SMARCE1: variants seen among roughly 807,000 people sequenced by gnomAD.
SMARCE1 encodes the protein SWI/SNF related BAF chromatin remodeling complex subunit E1.
In SMARCE1, 13 loss-of-function variants were observed where a neutral mutation model predicts 54.9. The ratio of observed to expected loss-of-function variants is 0.24; its 90% CI spans 0.15 to 0.38. The LOEUF (loss-of-function observed/expected upper bound fraction) is 0.38. SMARCE1 is among the 10% of genes least tolerant of loss of function. The pLI is 1.00. For synonymous variants in SMARCE1, 151 were observed against 175.3 expected (o/e 0.86, Z 1.10); for missense variants, 295 against 523.8 (o/e 0.56, Z 4.26).
chr17:40,633,252 T>G (rs1019209323), intron 7 of SMARCE1: 6 of 152,158 alleles, frequency 3.9e-5, no homozygotes, highest in Admixed American at 2.0e-4. Flanking sequence ...CCATGTGATC[T>G]GCCCATCCTG....
chr17:40,637,661 C>G, intron 4 of SMARCE1, 89 bp from the exon 5 acceptor site: 2 of 927,260 alleles, frequency 2.2e-6, no homozygotes, highest in Non-Finnish European at 3.5e-6. Flanking sequence ...TTCTAATGCG[C>G]CTTTCTTCTA....
At chr17:40,636,164 T>C (rs754321357) in intron 6 of SMARCE1, 62 bp from the exon 7 acceptor site, 17 of 1,358,816 alleles carry the variant, frequency 1.3e-5, no homozygotes, top group South Asian at 2.7e-5. Flanking sequence ...TGCAGACCTA[T>C]GTTATCTCAC....
intron 7 of SMARCE1, 73 bp downstream of exon 7, chr17:40,635,858 T>C: frequency 8.8e-7 from 1 of 1,136,572 alleles, no homozygotes; most frequent in Non-Finnish European, 1.2e-6. Flanking sequence ...AAATAAAAAC[T>C]TATACTTAAG....
chr17:40,625,020 A>G lies in SMARCE1; in HGVS notation c.*3765T>C, dbSNP rs1320719728. On this transcript the variant is annotated 3_prime_UTR_variant, in exon 11 of 11. Coordinates refer to ENST00000348513, the MANE Select transcript of SMARCE1 (RefSeq NM_003079.5). ...CTAACAATATGAGATAAACTATTAG[A>G]GAAGTGTAGGTCATTCTGGCAAATA... The G allele has an allele frequency of 2.6e-5, 4 of 152,376 alleles. No individual in the cohort carries two copies. Among genetic ancestry groups the G allele is most frequent in the Admixed American group, 2.6e-4 (4 of 15,310 alleles). 9.4% of individuals were successfully genotyped at this position (152,376 alleles called of 1,614,324 possible). A position where few individuals can be genotyped will look rare whatever the true frequency, so the allele number is the denominator to read the frequency against.
intron 4 of SMARCE1, among the ~76,000 whole-genome samples, chr17:40,638,079 A>G (rs2037163006): frequency 1.3e-5 from 2 of 152,196 alleles, no homozygotes; most frequent in African/African-American, 4.8e-5. Context: ...AACAAAAACA[A>G]TTAGTGAAAT....
At chr17:40,633,196 G>C (rs2037112974) in intron 7 of SMARCE1, 1 of 152,178 alleles carries the variant, frequency 6.6e-6, no homozygotes, top group South Asian at 2.1e-4. Context: ...TTTTAGTAGA[G>C]ATGGGATTTC....
In SMARCE1 at chr17:40,630,930, CA is replaced by C; in HGVS notation, c.817-7del. ...TCTACTTTCAGACCGCACAACTAATCAGAAAAAAACAGAACTCCGTAATGTT... is the reference window on the plus strand; with the variant it reads ...TCTACTTTCAGACCGCACAACTAATCGAAAAAAACAGAACTCCGTAATGTT... On this transcript the variant is annotated splice_polypyrimidine_tract_variant and splice_region_variant and intron_variant, in intron 9 of 10. Coordinates refer to ENST00000348513, the MANE Select transcript of SMARCE1 (RefSeq NM_003079.5). 2 of 1,599,442 alleles carry C rather than the reference CA, an allele frequency of 1.3e-6. No individual in the cohort carries two copies. Among genetic ancestry groups the C allele is most frequent in the Non-Finnish European group, 1.7e-6 (2 of 1,170,444 alleles).
intron 4 of SMARCE1, 39 bp from the exon 5 acceptor site, chr17:40,637,611 G>A: frequency 6.8e-7 from 1 of 1,481,274 alleles, no homozygotes; most frequent in Non-Finnish European, 9.4e-7. Flanking sequence ...TCAACTGTAA[G>A]GAGTTCACTG....
chr17:40,632,490 A>G (rs1361875536), intron 7 of SMARCE1, 123 bp from the exon 8 acceptor site: 2 of 762,082 alleles, frequency 2.6e-6, no homozygotes, highest in Admixed American at 2.7e-5. Context: ...GGACCTGCCC[A>G]GCGTCATGGG....
chr17:40,633,459 GCTTT>G (rs1009825258), intron 7 of SMARCE1: 6 of 151,698 alleles, frequency 4.0e-5, no homozygotes. Context: ...AAAAAAAAGA[GCTTT>G]CTCTTTAGTA....
rs1488166276 is a variant in SMARCE1 at position 40,626,630 on chromosome 17, G to A, written c.*2155C>T. ...CTCACGCCTGTAATCCCAGCACTTTGGGAGACTGAGGCAGGCGGATCACCT... is the reference window on the plus strand; with the variant it reads ...CTCACGCCTGTAATCCCAGCACTTTAGGAGACTGAGGCAGGCGGATCACCT... On this transcript the variant is annotated 3_prime_UTR_variant, in exon 11 of 11. Coordinates refer to ENST00000348513, the MANE Select transcript of SMARCE1 (RefSeq NM_003079.5). 2 of 152,230 alleles carry A rather than the reference G, an allele frequency of 1.3e-5. No homozygotes were observed. The highest frequency in any genetic ancestry group is 4.8e-5 in the African/African-American group (2 of 41,410). 9.4% of individuals were successfully genotyped at this position (152,230 alleles called of 1,614,324 possible).
rs1163476314 is a variant in SMARCE1 at position 40,625,346 on chromosome 17, CTTG to C, written c.*3436_*3438del. The C allele has an allele frequency of 6.6e-6, 1 of 152,200 alleles. No homozygotes were observed. Among genetic ancestry groups the C allele is most frequent in the Non-Finnish European group, 1.5e-5 (1 of 68,038 alleles). 9.4% of individuals were successfully genotyped at this position (152,200 alleles called of 1,614,324 possible). The stretch of plus-strand genomic sequence containing the variant: ...TAAAAAGGCTCCGAGTTCCTTTGAG[CTTG>C]TTATTGTACAGTGGATTTTTCATTT... On this transcript the variant is annotated 3_prime_UTR_variant, in exon 11 of 11. Coordinates refer to ENST00000348513, the MANE Select transcript of SMARCE1 (RefSeq NM_003079.5).
At chr17:40,634,609 A>G (rs1261792413) in intron 7 of SMARCE1, 3 of 152,202 alleles carry the variant, frequency 2.0e-5, no homozygotes, top group Non-Finnish European at 2.9e-5. Flanking sequence ...CTTAATTGCT[A>G]CCTGAATTTA....
chr17:40,637,823 T>G (rs896477779), intron 4 of SMARCE1: 1 of 478,108 alleles, frequency 2.1e-6, no homozygotes, highest in Non-Finnish European at 3.8e-6. Context: ...ACAAATAAAA[T>G]ATTACACAGT....
At chr17:40,639,772 T>TA (rs1276723935) in intron 4 of SMARCE1, among the ~76,000 whole-genome samples, 2 of 152,194 alleles carry the variant, frequency 1.3e-5, no homozygotes, top group African/African-American at 4.8e-5. Context: ...TACAATGTCT[T>TA]AAACATTTCT....
At chr17:40,632,607 G>GA (rs2037106328) in intron 7 of SMARCE1, 1 of 421,562 alleles carries the variant, frequency 2.4e-6, no homozygotes, top group African/African-American at 2.0e-5. Context: ...TTGTGTCTGA[G>GA]AAGGATTTGG....
At position 40,629,109 on chromosome 17, in the gene SMARCE1, A is replaced by C. The variant is rs185475869; in HGVS notation, c.1028-116T>G. 2,207 of 782,948 alleles carry C rather than the reference A, an allele frequency of 2.8e-3. 10 individuals are homozygous for C. The highest frequency in any genetic ancestry group is 4.0e-3 in the Non-Finnish European group (1,901 of 479,614). The allele number at this position is 782,948 out of a possible 1,614,324, so 48.5% of individuals were successfully genotyped here. ...GCCACTAGCCACATGTGGTTATTAA[A>C]CCCCTGAAATGAACCAGTGTGACTA... On this transcript the variant is annotated intron_variant, in intron 10 of 10. Transcript: ENST00000348513.
intron 3 of SMARCE1, 135 bp downstream of exon 3, chr17:40,645,441 T>C (rs1326674990): frequency 1.9e-6 from 1 of 533,214 alleles, no homozygotes; most frequent in Admixed American, 4.1e-5. Context: ...TAGTAGGAAG[T>C]GCTTTTTTTT....
Position 40,628,660 on chromosome 17 carries a change from A to C in SMARCE1, c.*125T>G, listed in dbSNP as rs1567844552. The C allele has an allele frequency of 4.3e-6, 3 of 704,338 alleles. No individual in the cohort carries two copies. The highest frequency in any genetic ancestry group is 3.6e-5 in the South Asian group (2 of 55,802). The allele number at this position is 704,338 out of a possible 1,614,324, so 43.6% of individuals were successfully genotyped here. A position where few individuals can be genotyped will look rare whatever the true frequency, so the allele number is the denominator to read the frequency against. On this transcript the variant is annotated 3_prime_UTR_variant, in exon 11 of 11. Coordinates refer to ENST00000348513, the MANE Select transcript of SMARCE1 (RefSeq NM_003079.5). ...TAGGCTCATGATGCTAAATGGTCCA[A>C]AAGCCTTTGGTGGTGTGATATGGAC... is the stretch of plus-strand genomic sequence containing the variant.
Sources: allele counts gnomAD v4.1 joint callset (sites outside exome capture counted in the v4.1 genomes callset), GRCh38; gene constraint gnomAD v4.1.1; transcripts MANE v1.5; gene names NCBI Gene and HGNC (gene_info 2026-07-23, HGNC 2026-07-21).